Variants in CACNA2D3 observed in about 807,000 individuals in gnomAD.
The protein encoded by CACNA2D3 is voltage-dependent calcium channel subunit alpha-2/delta-3.
Under a neutral mutation model 160.6 loss-of-function variants are expected in CACNA2D3, and 60 were observed. The observed-to-expected ratio is 0.37, with a 90% CI of 0.30 to 0.46. The LOEUF (loss-of-function observed/expected upper bound fraction) is 0.46, where lower values mean the gene tolerates loss of function less well. Among genes scored for constraint, CACNA2D3 ranks in the 20% least tolerant of loss-of-function variants. The pLI is 1.00. For synonymous variants in CACNA2D3, 558 were observed against 492.9 expected (o/e 1.13, Z -1.75); for missense variants, 1,205 against 1,365.0 (o/e 0.88, Z 1.85).
At chr3:54,774,533 C>G (rs1033913286) in intron 13 of CACNA2D3, among the ~76,000 whole-genome samples, 9 of 151,966 alleles carry the variant, frequency 5.9e-5, no homozygotes, top group Admixed American at 5.9e-4. Context: ...TTCTCCAACA[C>G]CGGGGGTTAC....
At chr3:54,863,617 TCC>T in intron 17 of CACNA2D3, among the ~76,000 whole-genome samples, 1 of 151,994 alleles carries the variant, frequency 6.6e-6, no homozygotes, top group East Asian at 1.9e-4. Flanking sequence ...AGCCGCCTCC[TCC>T]CCACACACAG....
chr3:54,889,130 A>G (rs1699997174), intron 24 of CACNA2D3, among the ~76,000 whole-genome samples: 1 of 152,114 alleles, frequency 6.6e-6, no homozygotes, highest in Non-Finnish European at 1.5e-5. Context: ...GACACAGCTG[A>G]CATATAGAGG....
At chr3:54,344,206 C>G (rs1698415562) in intron 3 of CACNA2D3, among the ~76,000 whole-genome samples, 1 of 152,166 alleles carries the variant, frequency 6.6e-6, no homozygotes, top group Admixed American at 6.5e-5. Context: ...TCTCACCTCT[C>G]CCGTAGGCTC....
At position 54,759,289 on chromosome 3, in the gene CACNA2D3, G is replaced by A. The variant is rs1263205451; in HGVS notation, c.1247-4929G>A. ...AGGTCCAAAAAAGCACATTAAAAAAGAGAATAAACATTCAAGACCTAGAAT... is the reference window on the plus strand; with the variant it reads ...AGGTCCAAAAAAGCACATTAAAAAAAAGAATAAACATTCAAGACCTAGAAT... On this transcript the variant is annotated intron_variant, in intron 12 of 37. Coordinates refer to ENST00000474759, the MANE Select transcript of CACNA2D3 (RefSeq NM_018398.3). Among the ~76,000 whole-genome samples the A allele has an allele frequency of 3.9e-5, 6 of 151,986 alleles. No individual in the cohort carries two copies. In the East Asian group the frequency reaches 1.2e-3, roughly 29 times the overall value.
At chr3:54,656,822 T>C (rs1399941178) in intron 11 of CACNA2D3, among the ~76,000 whole-genome samples, 1 of 152,184 alleles carries the variant, frequency 6.6e-6, no homozygotes, top group Non-Finnish European at 1.5e-5. Flanking sequence ...CCAGTTAGAA[T>C]TGGTACACAA....
At chr3:54,788,641 C>T (rs1001414770) in intron 13 of CACNA2D3, among the ~76,000 whole-genome samples, 31 of 152,248 alleles carry the variant, frequency 2.0e-4, no homozygotes, top group Middle Eastern at 3.4e-3. Flanking sequence ...TGGACATTGA[C>T]GAAAGAAGTT....
At chr3:54,924,242 A>G (rs546413576) in intron 27 of CACNA2D3, among the ~76,000 whole-genome samples, 12 of 152,332 alleles carry the variant, frequency 7.9e-5, no homozygotes, top group Admixed American at 3.3e-4. Flanking sequence ...CCAGAGAGAG[A>G]TAACCATACC....
chr3:54,821,278 G>A (rs1030935915), intron 14 of CACNA2D3, among the ~76,000 whole-genome samples: 4 of 152,192 alleles, frequency 2.6e-5, no homozygotes, highest in African/African-American at 9.6e-5. Context: ...AGCAATTGAT[G>A]CATTCAGGGC....
At chr3:54,290,726 G>C (rs1160915552) in intron 2 of CACNA2D3, among the ~76,000 whole-genome samples, 1 of 151,894 alleles carries the variant, frequency 6.6e-6, no homozygotes, top group Non-Finnish European at 1.5e-5. Flanking sequence ...ATACTATGCA[G>C]CCATAAAAAA....
At chr3:54,576,444 A>G (rs1702583748) in intron 8 of CACNA2D3, among the ~76,000 whole-genome samples, 1 of 152,118 alleles carries the variant, frequency 6.6e-6, no homozygotes, top group Admixed American at 6.5e-5. Context: ...TGTCTTTCCT[A>G]TCTTAGATCA....
chr3:54,947,091 C>G (rs1023559572), intron 27 of CACNA2D3, among the ~76,000 whole-genome samples: 4 of 152,042 alleles, frequency 2.6e-5, no homozygotes, highest in African/African-American at 9.7e-5. Flanking sequence ...ACTATAATAC[C>G]AAAACTAACA....
At chr3:54,645,898 T>C (rs914592501) in intron 11 of CACNA2D3, among the ~76,000 whole-genome samples, 1 of 152,192 alleles carries the variant, frequency 6.6e-6, no homozygotes, top group Non-Finnish European at 1.5e-5. Flanking sequence ...TATCCCATCC[T>C]GCCAAGAAGT....
In CACNA2D3 at chr3:54,936,862, A is replaced by G. The variant is rs534339318; in HGVS notation, c.2450-31588A>G. Among the ~76,000 whole-genome samples the G allele has an allele frequency of 9.2e-5, 14 of 152,278 alleles. No individual in the cohort carries two copies. In the South Asian group the frequency reaches 1.9e-3, roughly 20 times the overall value. On this transcript the variant is annotated intron_variant, in intron 27 of 37. Coordinates refer to ENST00000474759, the MANE Select transcript of CACNA2D3 (RefSeq NM_018398.3). ...AAGCAAGCTCCTTCATGTGTTGTCAACATTTCATTTGTGATTCTAATGAGG... is the reference window on the plus strand; with the variant it reads ...AAGCAAGCTCCTTCATGTGTTGTCAGCATTTCATTTGTGATTCTAATGAGG...
intron 2 of CACNA2D3, among the ~76,000 whole-genome samples, chr3:54,316,276 A>C (rs1300779269): frequency 6.6e-6 from 1 of 152,160 alleles, no homozygotes; most frequent in Non-Finnish European, 1.5e-5. Flanking sequence ...TACTGTAGGT[A>C]CCTTTTCAGT....
intron 11 of CACNA2D3, among the ~76,000 whole-genome samples, chr3:54,746,540 G>A (rs536077155): frequency 6.6e-6 from 1 of 152,300 alleles, no homozygotes; most frequent in Admixed American, 6.5e-5. Context: ...TAATACGGAG[G>A]CTGCCACTTA....
At chr3:54,645,389 A>G (rs76420630) in intron 11 of CACNA2D3, among the ~76,000 whole-genome samples, 1,846 of 152,312 alleles carry the variant, frequency 0.012, 32 homozygotes, top group African/African-American at 0.042. Context: ...TCGTTATTCT[A>G]TAAAATTTTA....
Position 55,070,254 on chromosome 3 carries a change from G to C in CACNA2D3, c.2988-3191G>C, listed in dbSNP as rs1189287206. On this transcript the variant is annotated intron_variant, in intron 35 of 37. Coordinates refer to ENST00000474759, the MANE Select transcript of CACNA2D3 (RefSeq NM_018398.3). The stretch of plus-strand genomic sequence containing the variant: ...GGTGTCCTTGGCAATAACTGATTCA[G>C]TTGGAGTGATGAGGACTACAGCCTT... Among the ~76,000 whole-genome samples, 7 of 152,322 alleles carry C rather than the reference G, an allele frequency of 4.6e-5. No individual in the cohort carries two copies. In the East Asian group the frequency reaches 1.4e-3, roughly 29 times the overall value.
At chr3:54,677,634 C>T (rs990309357) in intron 11 of CACNA2D3, among the ~76,000 whole-genome samples, 4 of 147,818 alleles carry the variant, frequency 2.7e-5, no homozygotes, top group East Asian at 2.0e-4. Flanking sequence ...GGGGGGGCAA[C>T]GTACTTACTC....
At chr3:54,996,229 C>T (rs9851609) in intron 31 of CACNA2D3, among the ~76,000 whole-genome samples, 17,972 of 152,272 alleles carry the variant, frequency 0.12, 1,177 homozygotes, top group African/African-American at 0.17. Flanking sequence ...CCAGAATCAG[C>T]TCTCCTGCTT....
Sources: allele counts gnomAD v4.1 joint callset (sites outside exome capture counted in the v4.1 genomes callset), GRCh38; gene constraint gnomAD v4.1.1; transcripts MANE v1.5; gene names NCBI Gene and HGNC (gene_info 2026-07-23, HGNC 2026-07-21).